KHDC4: variants seen among roughly 807,000 people sequenced by gnomAD.
The protein encoded by KHDC4 is KH domain containing 4, pre-mRNA splicing factor.
A neutral mutation model predicts 74.5 loss-of-function variants in KHDC4; 19 were observed. That is an observed-to-expected ratio of 0.26 (90% CI 0.18 to 0.37). The LOEUF is 0.37. KHDC4 is among the 10% of genes least tolerant of loss of function. The pLI is 1.00. For synonymous variants in KHDC4, 253 were observed against 266.1 expected (o/e 0.95, Z 0.48); for missense variants, 632 against 754.1 (o/e 0.84, Z 1.90).
chr1:155,934,284 C>G, intron 1 of KHDC4, 52 bp downstream of exon 1: 1 of 1,588,462 alleles, frequency 6.3e-7, no homozygotes. Flanking sequence ...GGTCCCTCCG[C>G]CTCTCCTGCG....
chr1:155,933,906 T>G, intron 1 of KHDC4, 57 bp from the exon 2 acceptor site: 1 of 1,349,192 alleles, frequency 7.4e-7, no homozygotes, highest in Non-Finnish European at 9.9e-7. Flanking sequence ...TGTTATTCTT[T>G]CCTTACTACG....
At chr1:155,914,546 GA>G (rs1345990347) in intron 13 of KHDC4, 1 of 383,426 alleles carries the variant, frequency 2.6e-6, no homozygotes, top group Non-Finnish European at 4.5e-6. Context: ...AACAGAGAAA[GA>G]AAAAAGAAAC....
intron 10 of KHDC4, among the ~76,000 whole-genome samples, chr1:155,918,000 TAA>T: frequency 6.6e-6 from 1 of 152,310 alleles, no homozygotes; most frequent in African/African-American, 2.4e-5. Flanking sequence ...CTTTCTGTAA[TAA>T]GCTTTCTGTT....
chr1:155,916,476 T>C, intron 12 of KHDC4, 149 bp downstream of exon 12: 1 of 635,930 alleles, frequency 1.6e-6, no homozygotes. Flanking sequence ...TTTTACTTCA[T>C]TGCATCAATT....
chr1:155,928,950 TCA>T (rs1674084263), intron 4 of KHDC4, among the ~76,000 whole-genome samples: 1 of 83,646 alleles, frequency 1.2e-5, no homozygotes. Flanking sequence ...AGACTCCATC[TCA>T]AAAAAAAAAA....
chr1:155,931,882 A>G (rs1403587008), intron 2 of KHDC4, among the ~76,000 whole-genome samples: 1 of 152,156 alleles, frequency 6.6e-6, no homozygotes, highest in Non-Finnish European at 1.5e-5. Context: ...TATCATCTCA[A>G]TGAATCCTTA....
chr1:155,927,353 TAAAAG>T (rs1674025789), intron 4 of KHDC4, among the ~76,000 whole-genome samples, 197 bp from the exon 5 acceptor site: 10 of 152,370 alleles, frequency 6.6e-5, no homozygotes, highest in African/African-American at 2.4e-4. Flanking sequence ...TTCTTGATTT[TAAAAG>T]TCAACTGGCC....
chr1:155,930,361 T>G (rs1674115742), intron 2 of KHDC4, among the ~76,000 whole-genome samples: 1 of 152,180 alleles, frequency 6.6e-6, no homozygotes, highest in Non-Finnish European at 1.5e-5. Flanking sequence ...AAAATGACAT[T>G]AAATAAAGTC....
At position 155,915,896 on chromosome 1, in the gene KHDC4, G is replaced by A. The variant is rs202038593; in HGVS notation, c.1622C>T (p.Ser541Phe). ...IKTESDERNG[S>F]GTLTGSHDYP... ...ACCATGGCTCCCTGTTAAGGTCCCA[G>A]ACCCATTCCTTTCATCGGACTCTGT... Residue 541 changes from serine (S) to phenylalanine (F), a missense_variant, in exon 13 of 14, where the codon TCT becomes TTT. Around this residue, in one of 4 missense-constraint regions of KHDC4, gnomAD observed 254 missense variants for 267.4 expected, o/e 0.95. Transcript: ENST00000368321. The A allele has an allele frequency of 1.2e-6, 2 of 1,604,154 alleles. No individual in the cohort carries two copies. Among genetic ancestry groups the A allele is most frequent in the Non-Finnish European group, 8.5e-7 (1 of 1,175,576 alleles).
intron 3 of KHDC4, 33 bp downstream of exon 3, chr1:155,929,679 C>G: frequency 6.3e-7 from 1 of 1,597,154 alleles, no homozygotes; most frequent in Non-Finnish European, 8.5e-7. Flanking sequence ...ATCCACTCAC[C>G]GCCCTCCCCA....
chr1:155,933,738 A>T lies in KHDC4; in HGVS notation c.150T>A (p.Ala50=), dbSNP rs1366671121. 6.2e-7 allele frequency: 1 copy of T among 1,608,748 alleles called. No homozygotes were observed. The highest frequency in any genetic ancestry group is 1.1e-5 in the South Asian group (1 of 90,320). Residue 50 remains alanine (A), a synonymous_variant, in exon 2 of 14, where the codon GCT becomes GCA. Coordinates refer to ENST00000368321, the MANE Select transcript of KHDC4 (RefSeq NM_014949.4). The part of the protein sequence containing the change: ...SSGGSPGGTT[A]APSGALDAAA... ...CAGCATCCAAGGCTCCTGAAGGAGC[A>T]GCTGTGGTGCCCCCAGGACTTCCCC...
chr1:155,926,917 C>T (rs571115156), intron 5 of KHDC4, 78 bp from the exon 6 acceptor site: 68 of 1,518,176 alleles, frequency 4.5e-5, no homozygotes, highest in Middle Eastern at 1.8e-4. Context: ...AATTATTCAC[C>T]GTAAATCTGC....
intron 7 of KHDC4, among the ~76,000 whole-genome samples, chr1:155,924,659 C>T (rs896044946): frequency 3.3e-5 from 5 of 151,044 alleles, no homozygotes; most frequent in African/African-American, 7.3e-5. Context: ...CTGCAACCTC[C>T]GCCTCCAGGG....
At chr1:155,926,325 C>CTTTTTTTTT (rs34342755) in intron 6 of KHDC4, 72 of 175,458 alleles carry the variant, frequency 4.1e-4, no homozygotes, top group South Asian at 7.9e-4. Flanking sequence ...TTACTTGGCA[C>CTTTTTTTTT]TTTTTTTTTT....
rs1009352433 is a variant in KHDC4, at chr1:155,914,188, A to C, written c.1778T>G (p.Leu593Trp). The C allele has an allele frequency of 1.2e-6, 2 of 1,614,200 alleles. No homozygotes were observed. The highest frequency in any genetic ancestry group is 1.3e-5 in the African/African-American group (1 of 75,050). ...TTGTGATGAAGGATATTGGTATCCC[A>C]AACTCCAGCCCTGTGGAAAACTACT... ...NASSFPQGWS[L>W]GYQYPSSQPR... Residue 593 changes from leucine (L) to tryptophan (W), a missense_variant, in exon 14 of 14, where the codon TTG (leucine) becomes TGG (tryptophan). Around this residue, in one of 4 missense-constraint regions of KHDC4, gnomAD observed 41 missense variants for 66.0 expected, o/e 0.62. Coordinates refer to ENST00000368321, the MANE Select transcript of KHDC4 (RefSeq NM_014949.4).
At chr1:155,927,015 C>T in intron 5 of KHDC4, 89 bp downstream of exon 5, 1 of 1,369,082 alleles carries the variant, frequency 7.3e-7, no homozygotes, top group Non-Finnish European at 1.0e-6. Context: ...GTTAGAACAG[C>T]CATCAGGGAC....
chr1:155,929,140 T>TG (rs1418775210), intron 4 of KHDC4, among the ~76,000 whole-genome samples, 156 bp downstream of exon 4: 1 of 152,308 alleles, frequency 6.6e-6, no homozygotes, highest in East Asian at 1.9e-4. Context: ...ATCTTGTATC[T>TG]GTTTGATATC....
rs1343246576 is a variant in KHDC4 at position 155,929,293 on chromosome 1, C to T, written c.464+3G>A. The T allele has an allele frequency of 4.4e-6, 7 of 1,608,126 alleles. No homozygotes were observed. The highest frequency in any genetic ancestry group is 2.7e-5 in the African/African-American group (2 of 74,796). ...TCCATAAACAAGATAAGAGAATACG[C>T]ACCCTGGTCCCACTTTGGCTTTTTC... is the stretch of plus-strand genomic sequence containing the variant. On this transcript the variant is annotated splice_donor_region_variant and intron_variant, in intron 4 of 13. Transcript: ENST00000368321.
At chr1:155,920,448 T>A (rs1006306211) in intron 10 of KHDC4, among the ~76,000 whole-genome samples, 4 of 151,490 alleles carry the variant, frequency 2.6e-5, no homozygotes, top group South Asian at 2.1e-4. Flanking sequence ...AAAAAAAAAT[T>A]TTTTTAAGTA....
Sources: allele counts gnomAD v4.1 joint callset (sites outside exome capture counted in the v4.1 genomes callset), GRCh38; gene constraint gnomAD v4.1.1; regional missense constraint gnomAD v4.1.1; transcripts MANE v1.5; gene names NCBI Gene and HGNC (gene_info 2026-07-23, HGNC 2026-07-21).